The following PTPRT variants were observed in gnomAD, a reference collection of about 807,000 sequenced individuals.
PTPRT encodes protein tyrosine phosphatase receptor type T.
Under a neutral mutation model 176.8 loss-of-function variants are expected in PTPRT, and 56 were observed. The observed-to-expected ratio is 0.32, with a 90% CI of 0.26 to 0.40. The LOEUF (loss-of-function observed/expected upper bound fraction) is 0.40, where lower values mean the gene tolerates loss of function less well. PTPRT is among the 10% of genes least tolerant of loss of function. PTPRT has a pLI of 1.00. For missense variants in PTPRT, 1,540 were observed against 1,908.2 expected, an observed-to-expected ratio of 0.81 and a Z score of 3.60; for synonymous variants, 783 against 739.0, an observed-to-expected ratio of 1.06 and a Z score of -0.96.
chr20:43,105,659 C>T (rs1430525368), intron 1 of PTPRT, among the ~76,000 whole-genome samples: 4 of 152,206 alleles, frequency 2.6e-5, no homozygotes, highest in Non-Finnish European at 5.9e-5. Context: ...CTCAGCCTCC[C>T]AAAATGCTAG....
At chr20:42,515,854 C>A (rs1016754247) in intron 7 of PTPRT, among the ~76,000 whole-genome samples, 2 of 150,110 alleles carry the variant, frequency 1.3e-5, no homozygotes, top group Non-Finnish European at 3.0e-5. Flanking sequence ...GGAACCAACC[C>A]AAATGTCCAA....
At chr20:42,249,163 T>A (rs1168124011) in intron 13 of PTPRT, among the ~76,000 whole-genome samples, 1 of 152,140 alleles carries the variant, frequency 6.6e-6, no homozygotes, top group East Asian at 1.9e-4. Context: ...GTCTCTAGGA[T>A]CAAACCATGG....
At chr20:42,625,644 G>A (rs1300972114) in intron 7 of PTPRT, among the ~76,000 whole-genome samples, 1 of 152,020 alleles carries the variant, frequency 6.6e-6, no homozygotes, top group Non-Finnish European at 1.5e-5. Context: ...AGACCCAAGT[G>A]ATGGATGGGT....
intron 13 of PTPRT, among the ~76,000 whole-genome samples, chr20:42,267,140 A>G (rs1415550261): frequency 1.3e-5 from 2 of 152,260 alleles, no homozygotes; most frequent in Admixed American, 1.3e-4. Context: ...TTTAAGTACC[A>G]GTGCAAACAT....
Position 43,019,228 on chromosome 20 carries a change from G to T in PTPRT, c.89-133296C>A, listed in dbSNP as rs1032050220. Reference sequence around the variant, plus strand: ...GACTGGATTAAGGGATACTCAGATCGCTGGTAAAACATTAATTATTCTCAG... The same window carrying T: ...GACTGGATTAAGGGATACTCAGATCTCTGGTAAAACATTAATTATTCTCAG... On this transcript the variant is annotated intron_variant, in intron 1 of 30. Transcript: ENST00000373187. Among the ~76,000 whole-genome samples the T allele has an allele frequency of 2.0e-5, 3 of 152,100 alleles. No homozygotes were observed. In the East Asian group the frequency reaches 5.8e-4, roughly 29 times the overall value.
chr20:42,780,154 C>A, intron 4 of PTPRT, 64 bp downstream of exon 4: 2 of 1,283,378 alleles, frequency 1.6e-6, no homozygotes, highest in Non-Finnish European at 2.3e-6. Context: ...GAAGGGATTG[C>A]AGGCTCTATG....
At chr20:42,972,779 G>A (rs1982732002) in intron 1 of PTPRT, among the ~76,000 whole-genome samples, 5 of 151,658 alleles carry the variant, frequency 3.3e-5, no homozygotes, top group Admixed American at 3.3e-4. Flanking sequence ...CCATGAGCTG[G>A]CGTCTATTTT....
intron 1 of PTPRT, among the ~76,000 whole-genome samples, chr20:43,083,608 C>T (rs575740262): frequency 6.6e-6 from 1 of 151,910 alleles, no homozygotes; most frequent in South Asian, 2.1e-4. Context: ...ATCTGCCCAC[C>T]TTGGCCTCCC....
At chr20:42,802,129 G>C (rs1356199416) in intron 2 of PTPRT, among the ~76,000 whole-genome samples, 3 of 152,216 alleles carry the variant, frequency 2.0e-5, no homozygotes, top group Non-Finnish European at 4.4e-5. Context: ...CCCATACCCA[G>C]TAGATTTGGG....
chr20:42,659,204 C>T (rs569618482), intron 7 of PTPRT, among the ~76,000 whole-genome samples: 10 of 152,172 alleles, frequency 6.6e-5, no homozygotes, highest in Middle Eastern at 3.4e-3. Context: ...CTCTCTAACT[C>T]TCAAAAAAAA....
rs138193576 is a variant in PTPRT, at chr20:42,311,577, A to G, written c.2139+4146T>C. Among the ~76,000 whole-genome samples, 440 of 152,278 alleles carry G rather than the reference A, an allele frequency of 2.9e-3. 2 individuals carry two copies. Among genetic ancestry groups the G allele is most frequent in the African/African-American group, 0.01 (427 of 41,558 alleles). On this transcript the variant is annotated intron_variant, in intron 12 of 30. Coordinates refer to ENST00000373187, the MANE Select transcript of PTPRT (RefSeq NM_007050.6). Reference sequence around the variant, plus strand: ...TTTCACTTGAGGTTAATATAACTCTATCTCATCCTTTGTCTTTAATCTTTT... The same window carrying G: ...TTTCACTTGAGGTTAATATAACTCTGTCTCATCCTTTGTCTTTAATCTTTT...
intron 7 of PTPRT, among the ~76,000 whole-genome samples, chr20:42,635,399 G>GA (rs1244525251): frequency 6.6e-6 from 1 of 151,348 alleles, no homozygotes; most frequent in Admixed American, 6.6e-5. Context: ...CAAAATTGAA[G>GA]AAAAAAAAGA....
chr20:42,245,719 C>A (rs1013262214), intron 14 of PTPRT, among the ~76,000 whole-genome samples: 2 of 152,118 alleles, frequency 1.3e-5, no homozygotes, highest in African/African-American at 4.8e-5. Flanking sequence ...TGGACAGTGG[C>A]AAGGAAGCTC....
rs2077425472 is a variant in PTPRT at position 42,794,547 on chromosome 20, G to T, written c.215-3081C>A. Among the ~76,000 whole-genome samples the T allele has an allele frequency of 3.9e-5, 6 of 152,206 alleles. No individual in the cohort carries two copies. The South Asian group carries it at 1.2e-3, about 32-fold the overall frequency. ...CAGCTGAATGTCCCAGAGCTCAAGAGCCTAGGAGAGGGCAGTGCACCATAA... is the reference window on the plus strand; with the variant it reads ...CAGCTGAATGTCCCAGAGCTCAAGATCCTAGGAGAGGGCAGTGCACCATAA... On this transcript the variant is annotated intron_variant, in intron 2 of 30. Transcript: ENST00000373187.
At chr20:42,046,511 C>A in the PTPRT span, among the ~76,000 whole-genome samples, 4 of 152,300 alleles carry the variant, frequency 2.6e-5, no homozygotes, top group African/African-American at 7.2e-5. Flanking sequence ...AACCCCAGGG[C>A]AGGAAGGAGC....
At chr20:43,061,562 T>C (rs891914408) in intron 1 of PTPRT, among the ~76,000 whole-genome samples, 2 of 152,258 alleles carry the variant, frequency 1.3e-5, no homozygotes, top group African/African-American at 4.8e-5. Flanking sequence ...TCTACTGCTA[T>C]GAAGTGGTGT....
At chr20:42,779,749 G>A (rs2077187604) in intron 4 of PTPRT, among the ~76,000 whole-genome samples, 1 of 152,108 alleles carries the variant, frequency 6.6e-6, no homozygotes, top group South Asian at 2.1e-4. Flanking sequence ...TGGAGCTGAT[G>A]AGTATATTTA....
At chr20:43,160,013 A>G (rs894010983) in intron 1 of PTPRT, among the ~76,000 whole-genome samples, 35 of 151,948 alleles carry the variant, frequency 2.3e-4, no homozygotes, top group African/African-American at 1.4e-4. Flanking sequence ...AAAAAAAAAA[A>G]AAAGAAAGAA....
chr20:42,112,618 GGGTTA>G (rs1417689352), intron 22 of PTPRT, among the ~76,000 whole-genome samples: 1 of 152,128 alleles, frequency 6.6e-6, no homozygotes, highest in African/African-American at 2.4e-5. Flanking sequence ...GGCTCCCATG[GGGTTA>G]GGTGGAAGCA....
Sources: allele counts gnomAD v4.1 joint callset (sites outside exome capture counted in the v4.1 genomes callset), GRCh38; gene constraint gnomAD v4.1.1; transcripts MANE v1.5; gene names NCBI Gene and HGNC (gene_info 2026-07-23, HGNC 2026-07-21).